Variants in RNGTT observed in about 807,000 individuals in gnomAD.
RNGTT encodes the protein mRNA-capping enzyme.
A neutral mutation model predicts 79.3 loss-of-function variants in RNGTT; 33 were observed. The observed-to-expected ratio is 0.42, with a 90% CI of 0.32 to 0.56. The LOEUF is 0.56. RNGTT is among the 20% of genes least tolerant of loss of function. The probability of loss-of-function intolerance (pLI) is 0.17; values close to 1 mark genes in which losing one functional copy is unlikely to be tolerated. For synonymous variants in RNGTT, 222 were observed against 235.9 expected (o/e 0.94, Z 0.54); for missense variants, 497 against 739.1 (o/e 0.67, Z 3.80).
intron 13 of RNGTT, among the ~76,000 whole-genome samples, chr6:88,761,994 A>T (rs1232849160): frequency 2.0e-5 from 3 of 152,056 alleles, no homozygotes; most frequent in Non-Finnish European, 4.4e-5. Flanking sequence ...TAAAAAAATT[A>T]TAATCCAAAA....
intron 4 of RNGTT, among the ~76,000 whole-genome samples, chr6:88,915,616 G>A (rs753136689): frequency 6.6e-6 from 1 of 152,148 alleles, no homozygotes; most frequent in Non-Finnish European, 1.5e-5. Flanking sequence ...ACTCCAATAG[G>A]AGGAAGAGAG....
chr6:88,798,464 CAA>C (rs202114661), intron 12 of RNGTT, among the ~76,000 whole-genome samples: 22 of 126,264 alleles, frequency 1.7e-4, no homozygotes, highest in South Asian at 4.9e-4. Flanking sequence ...GACCCTGTCT[CAA>C]AAAAAAAAAA....
chr6:88,876,713 A>G lies in RNGTT; in HGVS notation c.896+13782T>C, dbSNP rs77946634. Among the ~76,000 whole-genome samples, 14 of 152,324 alleles carry G rather than the reference A, an allele frequency of 9.2e-5. No homozygotes were observed. The East Asian group carries it at 2.3e-3, about 25-fold the overall frequency. On this transcript the variant is annotated intron_variant, in intron 8 of 15. Transcript: ENST00000369485. ...TTTGGGTCCAGTAGCCCAGCTCTAT[A>G]TAGGGGAAAAAATGTTTGAAAATAT...
At chr6:88,853,873 G>T in intron 8 of RNGTT, 109 bp from the exon 9 acceptor site, 1 of 563,194 alleles carries the variant, frequency 1.8e-6, no homozygotes, top group Non-Finnish European at 3.1e-6. Flanking sequence ...GTAGACTAAT[G>T]TTCACTGGAG....
intron 14 of RNGTT, among the ~76,000 whole-genome samples, chr6:88,616,789 ACTT>A (rs556066642): frequency 1.3e-5 from 2 of 152,274 alleles, no homozygotes; most frequent in African/African-American, 2.4e-5. Flanking sequence ...CTGGACATTA[ACTT>A]CTTATCAGAT....
chr6:88,654,132 C>A (rs1228089262), intron 14 of RNGTT, among the ~76,000 whole-genome samples: 1 of 151,698 alleles, frequency 6.6e-6, no homozygotes, highest in South Asian at 2.1e-4. Flanking sequence ...TCCCAAAATG[C>A]TCTGTCAGCA....
At chr6:88,891,399 A>G (rs1783043602) in intron 7 of RNGTT, among the ~76,000 whole-genome samples, 1 of 152,122 alleles carries the variant, frequency 6.6e-6, no homozygotes. Flanking sequence ...TCTGAAAGAT[A>G]TTTTCAAGTC....
intron 13 of RNGTT, among the ~76,000 whole-genome samples, chr6:88,749,932 T>C (rs559474824): frequency 6.6e-6 from 1 of 152,128 alleles, no homozygotes; most frequent in Non-Finnish European, 1.5e-5. Flanking sequence ...CTGGCAATCC[T>C]TTGTGTTTCT....
chr6:88,738,882 AG>A (rs1777374677), intron 13 of RNGTT, among the ~76,000 whole-genome samples: 3 of 151,382 alleles, frequency 2.0e-5, no homozygotes, highest in South Asian at 4.2e-4. Flanking sequence ...CTTCCAAAAC[AG>A]GAAGAAATAA....
At chr6:88,868,028 A>G (rs1195104096) in intron 8 of RNGTT, among the ~76,000 whole-genome samples, 2 of 152,110 alleles carry the variant, frequency 1.3e-5, no homozygotes, top group Non-Finnish European at 2.9e-5. Context: ...CTCCAGTCAC[A>G]TAAGTAGGTG....
At chr6:88,832,959 G>C (rs540813639) in intron 11 of RNGTT, among the ~76,000 whole-genome samples, 1 of 152,120 alleles carries the variant, frequency 6.6e-6, no homozygotes, top group Non-Finnish European at 1.5e-5. Context: ...AAATAGGAAC[G>C]CTTTTACACT....
intron 11 of RNGTT, among the ~76,000 whole-genome samples, chr6:88,840,934 C>A (rs1046933769): frequency 2.0e-5 from 3 of 152,140 alleles, no homozygotes; most frequent in African/African-American, 7.2e-5. Flanking sequence ...TTCTTAAATG[C>A]TGAACTCTGA....
At chr6:88,729,906 T>A (rs1485193534) in intron 13 of RNGTT, among the ~76,000 whole-genome samples, 2 of 152,104 alleles carry the variant, frequency 1.3e-5, no homozygotes, top group African/African-American at 4.8e-5. Context: ...AAGAATAATA[T>A]CCTCAATTCT....
intron 8 of RNGTT, among the ~76,000 whole-genome samples, chr6:88,878,662 TA>T (rs1368207877): frequency 2.0e-5 from 3 of 152,220 alleles, no homozygotes; most frequent in Non-Finnish European, 4.4e-5. Context: ...AGATAGGAGA[TA>T]AATTCTTATT....
intron 4 of RNGTT, among the ~76,000 whole-genome samples, chr6:88,908,214 C>G (rs1189503063): frequency 6.6e-6 from 1 of 151,944 alleles, no homozygotes; most frequent in Non-Finnish European, 1.5e-5. Context: ...AGATAAAACA[C>G]AAAAAGCATA....
intron 12 of RNGTT, among the ~76,000 whole-genome samples, chr6:88,781,504 A>C (rs1341337394): frequency 6.6e-6 from 1 of 152,220 alleles, no homozygotes; most frequent in Admixed American, 6.5e-5. Flanking sequence ...TACTAGAGAC[A>C]GTAAAACAAT....
At chr6:88,775,279 C>G (rs1219992741) in intron 12 of RNGTT, among the ~76,000 whole-genome samples, 2 of 152,124 alleles carry the variant, frequency 1.3e-5, no homozygotes, top group Non-Finnish European at 2.9e-5. Flanking sequence ...TGGCAAACTT[C>G]CAGTATATAA....
intron 14 of RNGTT, among the ~76,000 whole-genome samples, chr6:88,673,712 A>T (rs1258811625): frequency 1.3e-5 from 2 of 152,222 alleles, no homozygotes; most frequent in Non-Finnish European, 2.9e-5. Context: ...ATGTGCAGAT[A>T]AAGAAAATGT....
intron 11 of RNGTT, among the ~76,000 whole-genome samples, chr6:88,814,043 A>C (rs1210755533): frequency 1.3e-5 from 2 of 151,026 alleles, no homozygotes; most frequent in Admixed American, 1.3e-4. Context: ...ACCATAGGTT[A>C]TAGGTTAGGT....
Sources: allele counts gnomAD v4.1 joint callset (sites outside exome capture counted in the v4.1 genomes callset), GRCh38; gene constraint gnomAD v4.1.1; transcripts MANE v1.5; gene names NCBI Gene and HGNC (gene_info 2026-07-23, HGNC 2026-07-21).